IL17A: variants seen among roughly 807,000 people sequenced by gnomAD.
The protein encoded by IL17A is interleukin-17A.
In IL17A, 1 loss-of-function variant was observed where a neutral mutation model predicts 7.2. That is an observed-to-expected ratio of 0.14 (90% CI 0.05 to 0.66). The LOEUF is 0.66. Ranked by LOEUF, IL17A falls within the 30% of genes least tolerant of loss-of-function variation. The pLI is 0.84. For synonymous variants in IL17A, 90 were observed against 77.7 expected (o/e 1.16, Z -0.83); for missense variants, 191 against 197.1 (o/e 0.97, Z 0.18).
rs985060575 is a variant in IL17A at position 52,189,415 on chromosome 6, G to A, written c.*123G>A. 15 of 677,602 alleles carry A rather than the reference G, an allele frequency of 2.2e-5. No homozygotes were observed. The highest frequency in any genetic ancestry group is 2.7e-5 in the East Asian group (1 of 36,964). 42.0% of individuals were successfully genotyped at this position (677,602 alleles called of 1,614,324 possible). On this transcript the variant is annotated 3_prime_UTR_variant, in exon 3 of 3. Transcript: ENST00000648244. ...GACTAAACTCATTAGAGTTCTTAAG[G>A]CAGTTTGTCCAATTAAAGCTTCAGA...
At chr6:52,188,894 T>G (rs1278263105) in intron 2 of IL17A, among the ~76,000 whole-genome samples, 161 bp from the exon 3 acceptor site, 1 of 152,150 alleles carries the variant, frequency 6.6e-6, no homozygotes, top group Non-Finnish European at 1.5e-5. Context: ...AAAAATCCAA[T>G]TTGTCCCCAA....
Position 52,189,293 on chromosome 6 carries a change from G to C in IL17A, c.*1G>C, listed in dbSNP as rs761441377. ...CCCGATTGTCCACCATGTGGCCTAA[G>C]AGCTCTGGGGAGCCCACACTCCCCA... On this transcript the variant is annotated 3_prime_UTR_variant, in exon 3 of 3. Transcript: ENST00000648244. The C allele has an allele frequency of 6.2e-7, 1 of 1,611,290 alleles. No individual in the cohort carries two copies. Among genetic ancestry groups the C allele is most frequent in the Non-Finnish European group, 8.5e-7 (1 of 1,177,772 alleles).
At chr6:52,187,534 T>C (rs1763305692) in intron 1 of IL17A, 69 bp from the exon 2 acceptor site, 1 of 1,205,486 alleles carries the variant, frequency 8.3e-7, no homozygotes, top group South Asian at 1.2e-5. Flanking sequence ...TCATCACAAT[T>C]AATTTGTCAA....
At position 52,189,299 on chromosome 6, in the gene IL17A, T is replaced by C; in HGVS notation, c.*7T>C. The stretch of plus-strand genomic sequence containing the variant: ...TGTCCACCATGTGGCCTAAGAGCTC[T>C]GGGGAGCCCACACTCCCCAAAGCAG... On this transcript the variant is annotated 3_prime_UTR_variant, in exon 3 of 3. Coordinates refer to ENST00000648244, the MANE Select transcript of IL17A (RefSeq NM_002190.3). 4 of 1,609,594 alleles carry C rather than the reference T, an allele frequency of 2.5e-6. No homozygotes were observed. Among genetic ancestry groups the C allele is most frequent in the Non-Finnish European group, 3.4e-6 (4 of 1,176,296 alleles).
chr6:52,189,135 G>T lies in IL17A; in HGVS notation c.311G>T (p.Gly104Val). 1 of 1,614,142 alleles carries T rather than the reference G, an allele frequency of 6.2e-7. No homozygotes were observed. The highest frequency in any genetic ancestry group is 1.7e-5 in the Admixed American group (1 of 60,028). ...CACTTGGGCTGCATCAACGCTGATG[G>T]GAACGTGGACTACCACATGAACTCT... Reference protein sequence around the residue: ...CRHLGCINADGNVDYHMNSVP... With the variant: ...CRHLGCINADVNVDYHMNSVP... Residue 104 changes from glycine (G) to valine (V), a missense_variant, in exon 3 of 3, where the codon GGG (glycine) becomes GTG (valine). Gly to Val is a moderately radical substitution (Grantham distance 109). Coordinates refer to ENST00000648244, the MANE Select transcript of IL17A (RefSeq NM_002190.3).
Position 52,189,110 on chromosome 6 carries a change from C to A in IL17A, c.286C>A (p.His96Asn). The change falls in exon 3 of 3, where the codon CAC becomes AAC. Residue 96 changes from histidine (H) to asparagine (N), a missense_variant. Physicochemically the swap from His to Asn is moderately conservative, Grantham distance 68. Coordinates refer to ENST00000648244, the MANE Select transcript of IL17A (RefSeq NM_002190.3). ...TGTGATCTGGGAGGCAAAGTGCCGCCACTTGGGCTGCATCAACGCTGATGG... is the reference window on the plus strand; with the variant it reads ...TGTGATCTGGGAGGCAAAGTGCCGCAACTTGGGCTGCATCAACGCTGATGG... ...PSVIWEAKCR[H>N]LGCINADGNV... 1 of 1,614,158 alleles carries A rather than the reference C, an allele frequency of 6.2e-7. No homozygotes were observed. The highest frequency in any genetic ancestry group is 8.5e-7 in the Non-Finnish European group (1 of 1,180,002).
Position 52,189,272 on chromosome 6 carries a change from A to C in IL17A, c.448A>C (p.Ile150Leu). ...VSVGCTCVTP[I>L]VHHVA is the part of the protein sequence containing the mutation. ...CGTGGGCTGCACCTGTGTCACCCCG[A>C]TTGTCCACCATGTGGCCTAAGAGCT... is the stretch of plus-strand genomic sequence containing the variant. Residue 150 changes from isoleucine to leucine, a missense_variant, in exon 3 of 3, where the codon ATT becomes CTT. Coordinates refer to ENST00000648244, the MANE Select transcript of IL17A (RefSeq NM_002190.3). The C allele has an allele frequency of 6.2e-7, 1 of 1,613,980 alleles. No homozygotes were observed. Among genetic ancestry groups the C allele is most frequent in the Middle Eastern group, 1.7e-4 (1 of 6,058 alleles).
chr6:52,187,808 A>G lies in IL17A; in HGVS notation c.230+3A>G. ...TCCACCTCACCTTGGAATCTCCAGT[A>G]CGTAAAGCTTCCAGATAAAAATGCT... On this transcript the variant is annotated splice_donor_region_variant and intron_variant, in intron 2 of 2. Transcript: ENST00000648244. 1 of 1,610,872 alleles carries G rather than the reference A, an allele frequency of 6.2e-7. No homozygotes were observed. The highest frequency in any genetic ancestry group is 8.5e-7 in the Non-Finnish European group (1 of 1,177,032).
At chr6:52,186,798 T>C (rs1385519315) in intron 1 of IL17A, among the ~76,000 whole-genome samples, 1 of 152,226 alleles carries the variant, frequency 6.6e-6, no homozygotes, top group Non-Finnish European at 1.5e-5. Flanking sequence ...ACGGCATTTT[T>C]CTTTAAAATG....
At position 52,189,259 on chromosome 6, in the gene IL17A, C is replaced by G; in HGVS notation, c.435C>G (p.Thr145=). The G allele has an allele frequency of 6.2e-7, 1 of 1,614,088 alleles. No homozygotes were observed. The highest frequency in any genetic ancestry group is 8.5e-7 in the Non-Finnish European group (1 of 1,179,980). The change falls in exon 3 of 3, where the codon ACC becomes ACG. Residue 145 remains threonine (T), a synonymous_variant. Transcript: ENST00000648244. ...LEKILVSVGC[T]CVTPIVHHVA ...AGATACTGGTGTCCGTGGGCTGCACCTGTGTCACCCCGATTGTCCACCATG... is the reference window on the plus strand; with the variant it reads ...AGATACTGGTGTCCGTGGGCTGCACGTGTGTCACCCCGATTGTCCACCATG...
intron 1 of IL17A, 21 bp downstream of exon 1, chr6:52,186,479 C>T (rs751844725): frequency 8.1e-6 from 13 of 1,612,614 alleles, no homozygotes; most frequent in Admixed American, 5.0e-5. Flanking sequence ...CACTAACGTG[C>T]GATGCTCTTG....
In IL17A at chr6:52,190,071, T is replaced by C. The variant is rs1004921067; in HGVS notation, c.*779T>C. ...TTAAATGTATTTTAGCAAACTCAGC[T>C]CTTCCCTATTGGGAAGAGTTATGCA... On this transcript the variant is annotated 3_prime_UTR_variant, in exon 3 of 3. Coordinates refer to ENST00000648244, the MANE Select transcript of IL17A (RefSeq NM_002190.3). The C allele has an allele frequency of 2.0e-5, 3 of 152,200 alleles. No homozygotes were observed. Among genetic ancestry groups the C allele is most frequent in the African/African-American group, 7.2e-5 (3 of 41,450 alleles). 9.4% of individuals were successfully genotyped at this position (152,200 alleles called of 1,614,324 possible).
rs780646538 is a variant in IL17A, at chr6:52,187,769, A to G, written c.194A>G (p.Asp65Gly). Residue 65 changes from aspartate (D) to glycine (G), a missense_variant, in exon 2 of 3, where the codon GAT becomes GGT. By Grantham distance (94) the Asp-to-Gly change is moderately conservative. Transcript: ENST00000648244. ...AATACCAATCCCAAAAGGTCCTCAGATTACTACAACCGATCCACCTCACCT... is the reference window on the plus strand; with the variant it reads ...AATACCAATCCCAAAAGGTCCTCAGGTTACTACAACCGATCCACCTCACCT... ...NTNTNPKRSS[D>G]YYNRSTSPWN... 4 of 1,614,144 alleles carry G rather than the reference A, an allele frequency of 2.5e-6. No individual in the cohort carries two copies. The Admixed American group carries it at 6.7e-5, about 27-fold the overall frequency.
intron 2 of IL17A, among the ~76,000 whole-genome samples, chr6:52,188,543 G>C (rs993146950): frequency 2.6e-5 from 4 of 152,188 alleles, no homozygotes; most frequent in Non-Finnish European, 5.9e-5. Context: ...AGAGAGGGAA[G>C]AGAAGGTCAT....
At position 52,187,740 on chromosome 6, in the gene IL17A, T is replaced by C. The variant is rs779354559; in HGVS notation, c.165T>C (p.Asn55=). Residue 55 remains asparagine, a synonymous_variant, in exon 2 of 3, where the codon AAT becomes AAC. Coordinates refer to ENST00000648244, the MANE Select transcript of IL17A (RefSeq NM_002190.3). ...TCAACCTGAACATCCATAACCGGAA[T>C]ACCAATACCAATCCCAAAAGGTCCT... ...VMVNLNIHNR[N]TNTNPKRSSD... is the part of the protein sequence containing the mutation. 6.2e-7 allele frequency: 1 copy of C among 1,614,084 alleles called. No individual in the cohort carries two copies. Among genetic ancestry groups the C allele is most frequent in the South Asian group, 1.1e-5 (1 of 91,080 alleles).
chr6:52,188,988 T>C (rs1268230716), intron 2 of IL17A, 67 bp from the exon 3 acceptor site: 14 of 1,229,544 alleles, frequency 1.1e-5, no homozygotes, highest in Non-Finnish European at 2.4e-6. Context: ...CTTCATGTAT[T>C]CCTGTTTTAT....
rs896444631 is a variant in IL17A at position 52,190,119 on chromosome 6, A to G, written c.*827A>G. 4 of 152,200 alleles carry G rather than the reference A, an allele frequency of 2.6e-5. No homozygotes were observed. Among genetic ancestry groups the G allele is most frequent in the African/African-American group, 9.7e-5 (4 of 41,448 alleles). The allele number at this position is 152,200 out of a possible 1,614,324, so 9.4% of individuals were successfully genotyped here. A position where few individuals can be genotyped will look rare whatever the true frequency, so the allele number is the denominator to read the frequency against. ...GCAAATTCTCCTATAAGCAAAACAA[A>G]GCATGTCTTTGAGTAACAATGACCT... On this transcript the variant is annotated 3_prime_UTR_variant, in exon 3 of 3. Transcript: ENST00000648244.
At position 52,189,157 on chromosome 6, in the gene IL17A, C is replaced by T. The variant is rs1483318626; in HGVS notation, c.333C>T (p.Asn111=). ...NADGNVDYHM[N]SVPIQQEILV... ...ATGGGAACGTGGACTACCACATGAA[C>T]TCTGTCCCCATCCAGCAAGAGATCC... is the stretch of plus-strand genomic sequence containing the variant. Residue 111 remains asparagine, a synonymous_variant, in exon 3 of 3, where the codon AAC becomes AAT. Transcript: ENST00000648244. 4 of 1,614,054 alleles carry T rather than the reference C, an allele frequency of 2.5e-6. No individual in the cohort carries two copies. Among genetic ancestry groups the T allele is most frequent in the African/African-American group, 1.3e-5 (1 of 74,952 alleles).
Position 52,190,131 on chromosome 6 carries a change from A to C in IL17A, c.*839A>C, listed in dbSNP as rs1360223434. 1 of 152,212 alleles carries C rather than the reference A, an allele frequency of 6.6e-6. No homozygotes were observed. The highest frequency in any genetic ancestry group is 2.4e-5 in the African/African-American group (1 of 41,456). 9.4% of individuals were successfully genotyped at this position (152,212 alleles called of 1,614,324 possible). ...ATAAGCAAAACAAAGCATGTCTTTG[A>C]GTAACAATGACCTGGAAATACCCAA... On this transcript the variant is annotated 3_prime_UTR_variant, in exon 3 of 3. Transcript: ENST00000648244.
Sources: allele counts gnomAD v4.1 joint callset (sites outside exome capture counted in the v4.1 genomes callset), GRCh38; gene constraint gnomAD v4.1.1; transcripts MANE v1.5; gene names NCBI Gene and HGNC (gene_info 2026-07-23, HGNC 2026-07-21).